ATP8B4: variants seen among roughly 807,000 people sequenced by gnomAD.
ATP8B4 encodes the protein probable phospholipid-transporting ATPase IM.
Under a neutral mutation model 145.6 loss-of-function variants are expected in ATP8B4, and 133 were observed. The ratio of observed to expected loss-of-function variants is 0.91; its 90% CI spans 0.79 to 1.05. ATP8B4 has a LOEUF of 1.05. Among genes scored for constraint, ATP8B4 ranks in the 50% least tolerant of loss-of-function variants. ATP8B4 has a pLI of 0.00. For missense variants in ATP8B4, 1,458 were observed against 1,425.2 expected (o/e 1.02, Z -0.37); for synonymous variants, 507 against 492.9 (o/e 1.03, Z -0.38).
chr15:49,984,881 A>G (rs1451831520), intron 10 of ATP8B4, among the ~76,000 whole-genome samples: 3 of 152,150 alleles, frequency 2.0e-5, no homozygotes, highest in Admixed American at 6.5e-5. Context: ...TTAAATGAAT[A>G]TAATTCCTGC....
Position 49,979,060 on chromosome 15 carries a change from A to C in ATP8B4, c.1034+557T>G, listed in dbSNP as rs78749175. Among the ~76,000 whole-genome samples the C allele has an allele frequency of 6.5e-3, 997 of 152,238 alleles. 13 individuals are homozygous for C. The highest frequency in any genetic ancestry group is 0.023 in the African/African-American group (955 of 41,554). ...AAAAGCTAATATTCATTAAGCTTTTATAATGTGTCAGGAATTCTTAGAGCT... is the reference window on the plus strand; with the variant it reads ...AAAAGCTAATATTCATTAAGCTTTTCTAATGTGTCAGGAATTCTTAGAGCT... On this transcript the variant is annotated intron_variant, in intron 12 of 27. Coordinates refer to ENST00000284509, the MANE Select transcript of ATP8B4 (RefSeq NM_024837.4).
intron 2 of ATP8B4, among the ~76,000 whole-genome samples, chr15:50,083,079 T>C (rs1371116981): frequency 6.6e-6 from 1 of 152,110 alleles, no homozygotes; most frequent in Non-Finnish European, 1.5e-5. Context: ...TCTCATCAAA[T>C]GCAATACTCC....
intron 1 of ATP8B4, among the ~76,000 whole-genome samples, chr15:50,173,533 A>G (rs201581462): frequency 0.017 from 2,535 of 152,244 alleles, 54 homozygotes; most frequent in East Asian, 0.098. Flanking sequence ...CCTAATCTCA[A>G]GTACCCAGGG....
At chr15:50,110,707 G>A (rs542038639) in intron 1 of ATP8B4, among the ~76,000 whole-genome samples, 2 of 152,278 alleles carry the variant, frequency 1.3e-5, no homozygotes, top group East Asian at 1.9e-4. Flanking sequence ...TGAGTCTTAT[G>A]TTACCCTTAG....
intron 1 of ATP8B4, among the ~76,000 whole-genome samples, chr15:50,128,475 A>G (rs2057321593): frequency 6.6e-6 from 1 of 152,204 alleles, no homozygotes; most frequent in African/African-American, 2.4e-5. Flanking sequence ...GGCCAAAATG[A>G]CAAGATCTGC....
chr15:49,879,284 G>T, intron 24 of ATP8B4, 92 bp downstream of exon 24: 2 of 1,131,770 alleles, frequency 1.8e-6, no homozygotes, highest in Non-Finnish European at 2.5e-6. Context: ...TCCTAGGGCT[G>T]CTACTTAGAA....
At chr15:50,164,091 G>C (rs1328831089) in intron 1 of ATP8B4, among the ~76,000 whole-genome samples, 1 of 152,150 alleles carries the variant, frequency 6.6e-6, no homozygotes, top group East Asian at 1.9e-4. Flanking sequence ...CCTGGAGTCA[G>C]GGACCCCAGG....
chr15:50,031,291 C>T (rs138955808), intron 6 of ATP8B4, among the ~76,000 whole-genome samples: 3 of 152,200 alleles, frequency 2.0e-5, no homozygotes, highest in East Asian at 1.9e-4. Context: ...CAAGTCTGTT[C>T]CTATAGACCC....
At chr15:49,866,225 A>C in intron 26 of ATP8B4, 121 bp downstream of exon 26, 1 of 1,391,762 alleles carries the variant, frequency 7.2e-7, no homozygotes, top group Non-Finnish European at 9.6e-7. Context: ...TGCCTGGCTC[A>C]AACAATTTCT....
chr15:50,041,700 T>C (rs1463208366), intron 5 of ATP8B4, among the ~76,000 whole-genome samples: 1 of 152,170 alleles, frequency 6.6e-6, no homozygotes, highest in Non-Finnish European at 1.5e-5. Context: ...TCCCAGGACT[T>C]TGAGAAGCCA....
In ATP8B4 at chr15:49,979,790, C is replaced by A; in HGVS notation, c.861G>T (p.Leu287Phe). ...AATTTCCTATTGCAAGAATAATTCC[C>A]AAGCATATCAGAAACCCAAAAATCT... ...VLWIFGFLIC[L>F]GIILAIGNSI... Residue 287 changes from leucine (L) to phenylalanine (F), a missense_variant, in exon 12 of 28, where the codon TTG (leucine) becomes TTT (phenylalanine). Coordinates refer to ENST00000284509, the MANE Select transcript of ATP8B4 (RefSeq NM_024837.4). 6.3e-7 allele frequency: 1 copy of A among 1,595,280 alleles called. No homozygotes were observed.
chr15:49,870,188 T>A (rs2033461750), intron 25 of ATP8B4, among the ~76,000 whole-genome samples: 1 of 152,212 alleles, frequency 6.6e-6, no homozygotes, highest in South Asian at 2.1e-4. Context: ...AAGATAGATC[T>A]GAATGTGTTG....
At chr15:49,935,685 C>A (rs922195479) in intron 14 of ATP8B4, among the ~76,000 whole-genome samples, 22 of 152,188 alleles carry the variant, frequency 1.4e-4, no homozygotes, top group Admixed American at 7.9e-4. Context: ...TCAGAAGGTA[C>A]ATCAAACGGT....
chr15:49,885,844 C>G (rs1179290924), intron 23 of ATP8B4: 1 of 152,354 alleles, frequency 6.6e-6, no homozygotes, highest in Admixed American at 6.5e-5. Context: ...AGCTATTCTT[C>G]ACTTCTGGAA....
chr15:50,146,168 G>A (rs1033002159), intron 1 of ATP8B4, among the ~76,000 whole-genome samples: 20 of 151,822 alleles, frequency 1.3e-4, no homozygotes, highest in African/African-American at 4.6e-4. Context: ...GTCTGCCACC[G>A]TGCCCAGCTA....
chr15:50,029,548 C>T (rs1424673323), intron 6 of ATP8B4, among the ~76,000 whole-genome samples: 2 of 152,116 alleles, frequency 1.3e-5, no homozygotes, highest in Admixed American at 6.5e-5. Context: ...GATGATCTTA[C>T]CTCAAGATCT....
chr15:50,176,939 A>G (rs1038427725), intron 1 of ATP8B4, among the ~76,000 whole-genome samples: 1 of 152,184 alleles, frequency 6.6e-6, no homozygotes, highest in Non-Finnish European at 1.5e-5. Context: ...AAGAGGGTCA[A>G]TCTTATCACA....
intron 1 of ATP8B4, among the ~76,000 whole-genome samples, chr15:50,144,104 A>C (rs1377181272): frequency 6.6e-6 from 1 of 152,214 alleles, no homozygotes; most frequent in Non-Finnish European, 1.5e-5. Context: ...ATACTAGGTC[A>C]GGGTTGTGCC....
rs539793865 is a variant in ATP8B4, at chr15:49,900,020, T to G, written c.2289+1072A>C. On this transcript the variant is annotated intron_variant, in intron 21 of 27. Transcript: ENST00000284509. ...TGAGAGAAAGTCAAAGTATAACTCA[T>G]AAGATTCCCTTTCCATATTGTGGTC... 4.3e-4 allele frequency among the ~76,000 whole-genome samples: 65 copies of G among 152,322 alleles called. No homozygotes were observed. In the South Asian group the frequency reaches 0.013, roughly 30 times the overall value.
Sources: gnomAD v4.1 joint callset for allele counts (sites outside exome capture counted in the v4.1 genomes callset) on GRCh38, gnomAD v4.1.1 for gene constraint, MANE v1.5 for transcripts, NCBI Gene and HGNC (gene_info 2026-07-23, HGNC 2026-07-21) for gene names.